Variants in PCDH15 observed in about 807,000 individuals in gnomAD.
PCDH15 encodes protocadherin related 15.
Under a neutral mutation model 178.5 loss-of-function variants are expected in PCDH15, and 129 were observed. That is an observed-to-expected ratio of 0.72 (90% CI 0.63 to 0.84). The LOEUF (loss-of-function observed/expected upper bound fraction) is 0.84, where lower values mean the gene tolerates loss of function less well. PCDH15 is among the 40% of genes least tolerant of loss of function. PCDH15 has a pLI of 0.00. For synonymous variants in PCDH15, 800 were observed against 732.0 expected, an observed-to-expected ratio of 1.09 and a Z score of -1.50; for missense variants, 2,230 against 2,099.9, an observed-to-expected ratio of 1.06 and a Z score of -1.21.
chr10:54,557,345 A>C (rs2087434124), intron 2 of PCDH15, among the ~76,000 whole-genome samples: 1 of 152,196 alleles, frequency 6.6e-6, no homozygotes, highest in Admixed American at 6.5e-5. Context: ...AAAAATTGTT[A>C]TCTTTGTAAA....
chr10:53,892,889 T>C (rs546655192), intron 26 of PCDH15, among the ~76,000 whole-genome samples: 1 of 152,298 alleles, frequency 6.6e-6, no homozygotes, highest in East Asian at 1.9e-4. Flanking sequence ...TTTTTTGTAA[T>C]CATCTGTCTG....
At chr10:53,896,101 ATTATT>A (rs770005239) in intron 26 of PCDH15, among the ~76,000 whole-genome samples, 43 of 152,242 alleles carry the variant, frequency 2.8e-4, no homozygotes, top group Middle Eastern at 3.4e-3. Flanking sequence ...TTTAATTGAT[ATTATT>A]TTATTTATTC....
chr10:55,405,916 G>A (rs1537597), intron 2 of PCDH15, among the ~76,000 whole-genome samples: 15,705 of 151,722 alleles, frequency 0.1, 868 homozygotes, highest in East Asian at 0.23. Flanking sequence ...AAGTTTAATA[G>A]GGTGTTCTAG....
In PCDH15 at chr10:54,244,055, C is replaced by A. The variant is rs184891382; in HGVS notation, c.877-7124G>T. Among the ~76,000 whole-genome samples the A allele has an allele frequency of 3.3e-5, 5 of 152,258 alleles. No individual in the cohort carries two copies. In the East Asian group the frequency reaches 5.8e-4, roughly 18 times the overall value. On this transcript the variant is annotated intron_variant, in intron 8 of 37. Coordinates refer to ENST00000644397, the MANE Select transcript of PCDH15 (RefSeq NM_001384140.1). ...TAATTATGATTCATGAAAATCATAA[C>A]AATTCATGCCTGATCACTGGAATTT...
intron 20 of PCDH15, among the ~76,000 whole-genome samples, chr10:54,007,618 G>A (rs2092430247): frequency 1.3e-5 from 2 of 152,212 alleles, no homozygotes; most frequent in South Asian, 4.1e-4. Context: ...CACTAAGAAA[G>A]CTGTGTGCAG....
intron 15 of PCDH15, among the ~76,000 whole-genome samples, chr10:54,110,950 T>C (rs2095011471): frequency 6.6e-6 from 1 of 152,194 alleles, no homozygotes; most frequent in South Asian, 2.1e-4. Flanking sequence ...ATTGTTTTCT[T>C]AGCTCCAAAT....
At chr10:53,843,881 A>G (rs1435438955) in intron 28 of PCDH15, among the ~76,000 whole-genome samples, 1 of 152,118 alleles carries the variant, frequency 6.6e-6, no homozygotes, top group Non-Finnish European at 1.5e-5. Flanking sequence ...GCCATTCCAG[A>G]CACATGGAAT....
intron 2 of PCDH15, among the ~76,000 whole-genome samples, chr10:55,446,492 G>A (rs952207468): frequency 1.3e-5 from 2 of 151,954 alleles, no homozygotes; most frequent in African/African-American, 4.8e-5. Context: ...CCAAACTGTG[G>A]TATCATAAAA....
At chr10:54,755,362 T>C (rs1946933519) in intron 1 of PCDH15, among the ~76,000 whole-genome samples, 1 of 152,200 alleles carries the variant, frequency 6.6e-6, no homozygotes, top group Non-Finnish European at 1.5e-5. Context: ...TAGTATTGTA[T>C]TAATTTTTCT....
intron 21 of PCDH15, chr10:53,995,332 T>C (rs1327437462): frequency 2.7e-6 from 1 of 375,730 alleles, no homozygotes; most frequent in East Asian, 5.9e-5. Flanking sequence ...AATACATAAA[T>C]TTAAAACATA....
At chr10:55,071,353 T>C (rs1453970538) in intron 2 of PCDH15, among the ~76,000 whole-genome samples, 4 of 152,024 alleles carry the variant, frequency 2.6e-5, no homozygotes, top group Non-Finnish European at 5.9e-5. Flanking sequence ...AGGACACCCA[T>C]CTCATGTGCA....
intron 18 of PCDH15, among the ~76,000 whole-genome samples, chr10:54,048,035 T>A (rs1259770828): frequency 6.6e-6 from 1 of 152,088 alleles, no homozygotes; most frequent in Non-Finnish European, 1.5e-5. Context: ...ACAGTGTATA[T>A]GCATTCCCTT....
chr10:55,503,418 ATATT>A (rs1840697550), intron 2 of PCDH15, among the ~76,000 whole-genome samples: 1 of 148,950 alleles, frequency 6.7e-6, no homozygotes, highest in Admixed American at 6.7e-5. Context: ...TAATTAAAAT[ATATT>A]TAAATATATG....
At chr10:54,225,711 T>C (rs1291361301) in intron 9 of PCDH15, among the ~76,000 whole-genome samples, 2 of 152,170 alleles carry the variant, frequency 1.3e-5, no homozygotes, top group East Asian at 3.8e-4. Context: ...TTCTTTATGA[T>C]TGATTCAATT....
intron 2 of PCDH15, among the ~76,000 whole-genome samples, chr10:55,052,867 G>C (rs1841201329): frequency 6.6e-6 from 1 of 152,092 alleles, no homozygotes; most frequent in African/African-American, 2.4e-5. Context: ...AGTGACTATG[G>C]ATACATAAAC....
intron 32 of PCDH15, chr10:53,822,307 T>G (rs528323072): frequency 4.3e-6 from 7 of 1,610,160 alleles, no homozygotes; most frequent in Non-Finnish European, 5.1e-6. Context: ...AGAGGTGGTG[T>G]TGGGGGACCA....
intron 2 of PCDH15, among the ~76,000 whole-genome samples, chr10:54,584,615 ATTTG>A (rs913256784): frequency 2.4e-4 from 37 of 152,100 alleles, no homozygotes; most frequent in East Asian, 1.2e-3. Context: ...TGCTTCAATA[ATTTG>A]TTTTTCTCTT....
intron 2 of PCDH15, among the ~76,000 whole-genome samples, chr10:55,440,461 C>A (rs1220756586): frequency 1.3e-5 from 2 of 151,792 alleles, no homozygotes; most frequent in African/African-American, 2.4e-5. Flanking sequence ...AGAAAAGTGG[C>A]AAAGTAAACA....
rs1299987197 is a variant in PCDH15 at position 54,728,977 on chromosome 10, T to C, written c.-28-64687A>G. ...TGCTCATGGATAACAAGAATCATTA[T>C]AGTAAAAAGGGCATACTGTCCAAAG... On this transcript the variant is annotated intron_variant, in intron 1 of 37. Transcript: ENST00000644397. 2.6e-5 allele frequency among the ~76,000 whole-genome samples: 4 copies of C among 151,584 alleles called. No homozygotes were observed. In the Admixed American group the frequency reaches 2.6e-4, roughly 10 times the overall value.
Sources: gnomAD v4.1 joint callset for allele counts (sites outside exome capture counted in the v4.1 genomes callset) on GRCh38, gnomAD v4.1.1 for gene constraint, MANE v1.5 for transcripts, NCBI Gene and HGNC (gene_info 2026-07-23, HGNC 2026-07-21) for gene names.